NDE1: variants seen among roughly 807,000 people sequenced by gnomAD.
NDE1 encodes the protein nuclear distribution protein nudE homolog 1.
In NDE1, 28 loss-of-function variants were observed where a neutral mutation model predicts 43.4. The observed-to-expected ratio is 0.65, with a 90% CI of 0.48 to 0.89. NDE1 has a LOEUF of 0.89. Among genes scored for constraint, NDE1 ranks in the 40% least tolerant of loss-of-function variants. NDE1 has a pLI of 0.00. For synonymous variants in NDE1, 184 were observed against 172.0 expected, an observed-to-expected ratio of 1.07 and a Z score of -0.55; for missense variants, 441 against 434.1, an observed-to-expected ratio of 1.02 and a Z score of -0.14.
chr16:15,674,594 C>T (rs1379711789), intron 3 of NDE1, among the ~76,000 whole-genome samples: 2 of 152,148 alleles, frequency 1.3e-5, no homozygotes, highest in South Asian at 2.1e-4. Context: ...TTTCTGTCTC[C>T]ATGCTACAAC....
chr16:15,721,177 CG>C, intron 8 of NDE1: 1 of 1,115,590 alleles, frequency 9.0e-7, no homozygotes, highest in Non-Finnish European at 1.3e-6. Context: ...GATGCATGGC[CG>C]GGACTCAAGA....
At chr16:15,714,500 C>A in intron 8 of NDE1, 1 of 318,400 alleles carries the variant, frequency 3.1e-6, no homozygotes, top group Non-Finnish European at 6.0e-6. Flanking sequence ...GGCAGCAGTG[C>A]TGAGGGGGAG....
At chr16:15,694,676 G>A (rs1474673337) in intron 7 of NDE1, 1 of 985,306 alleles carries the variant, frequency 1.0e-6, no homozygotes, top group African/African-American at 1.7e-5. Context: ...TGAGTTTTAG[G>A]TGTGGCTGCT....
At chr16:15,690,337 C>CTTTTTTTTTTTTTTCTTTTTTTTTTTTTT (rs2038672541) in intron 5 of NDE1, among the ~76,000 whole-genome samples, 7 of 74,100 alleles carry the variant, frequency 9.4e-5, no homozygotes, top group African/African-American at 2.8e-4. Flanking sequence ...TGCAACTGGC[C>CTTTTTTTTTTTTTTCTTTTTTTTTTTTTT]TTTTTTTTTT....
At chr16:15,719,843 G>T (rs989280747) in intron 8 of NDE1, 20 of 1,342,084 alleles carry the variant, frequency 1.5e-5, no homozygotes, top group Non-Finnish European at 7.3e-6. Flanking sequence ...CATTGCACGA[G>T]CATGGCTCTC....
At chr16:15,672,986 T>A (rs1183581246) in intron 3 of NDE1, among the ~76,000 whole-genome samples, 1 of 152,162 alleles carries the variant, frequency 6.6e-6, no homozygotes, top group African/African-American at 2.4e-5. Context: ...ATCATCTGTT[T>A]GTTCTTTCTT....
intron 4 of NDE1, among the ~76,000 whole-genome samples, chr16:15,678,901 C>A (rs1324401614): frequency 2.6e-5 from 4 of 151,898 alleles, no homozygotes; most frequent in African/African-American, 9.7e-5. Context: ...ATGGTGAAAA[C>A]CCGTCTCTAC....
intron 1 of NDE1, among the ~76,000 whole-genome samples, chr16:15,644,438 A>T (rs2036257857): frequency 1.3e-5 from 2 of 152,170 alleles, no homozygotes; most frequent in African/African-American, 4.8e-5. Context: ...GGCAGATGAC[A>T]AGCACACATC....
chr16:15,710,570 A>G (rs1457222351), intron 8 of NDE1, among the ~76,000 whole-genome samples: 1 of 152,152 alleles, frequency 6.6e-6, no homozygotes, highest in African/African-American at 2.4e-5. Context: ...AAAGGGAAGC[A>G]GAGACAGCAG....
At chr16:15,718,373 T>C (rs745958601) in intron 8 of NDE1, 1 of 1,602,492 alleles carries the variant, frequency 6.2e-7, no homozygotes, top group Admixed American at 1.7e-5. Context: ...CTGCTCCTCC[T>C]CCAGCTCCTC....
At chr16:15,708,459 C>T (rs965919639) in intron 8 of NDE1, among the ~76,000 whole-genome samples, 8 of 152,196 alleles carry the variant, frequency 5.3e-5, no homozygotes, top group East Asian at 3.8e-4. Flanking sequence ...GCCCTAACCA[C>T]GTAAGAGTGG....
chr16:15,692,403 C>A (rs528590478), intron 6 of NDE1, among the ~76,000 whole-genome samples: 1 of 152,248 alleles, frequency 6.6e-6, no homozygotes, highest in East Asian at 1.9e-4. Flanking sequence ...AATTCCGGTG[C>A]AGAGCCCTTC....
At chr16:15,713,971 G>A (rs2039970863) in intron 8 of NDE1, 1 of 152,396 alleles carries the variant, frequency 6.6e-6, no homozygotes, top group African/African-American at 2.4e-5. Flanking sequence ...GCACCAGGCA[G>A]ACAATGGGAT....
Position 15,708,827 on chromosome 16 carries a change from T to G in NDE1, c.947+11967T>G. 1 of 1,610,146 alleles carries G rather than the reference T, an allele frequency of 6.2e-7. No homozygotes were observed. Among genetic ancestry groups the G allele is most frequent in the Non-Finnish European group, 8.5e-7 (1 of 1,178,552 alleles). ...CCTGGTGCATCACTGCGAAGTTTCC[T>G]GTGGGGGGGGCCCTCTGAAACAGAG... On this transcript the variant is annotated intron_variant, in intron 8 of 8. Coordinates refer to ENST00000396354, the MANE Select transcript of NDE1 (RefSeq NM_017668.3).
At chr16:15,682,102 C>T (rs551151107) in intron 4 of NDE1, among the ~76,000 whole-genome samples, 2 of 151,998 alleles carry the variant, frequency 1.3e-5, no homozygotes, top group South Asian at 4.2e-4. Context: ...ACAATTTGGC[C>T]AAATGCTGAA....
At chr16:15,696,650 T>C in intron 7 of NDE1, 59 bp from the exon 8 acceptor site, 1 of 1,613,494 alleles carries the variant, frequency 6.2e-7, no homozygotes. Flanking sequence ...GTACAGGCTC[T>C]GGTAAGACAG....
At chr16:15,710,956 G>A (rs1567677682) in intron 8 of NDE1, among the ~76,000 whole-genome samples, 1 of 152,162 alleles carries the variant, frequency 6.6e-6, no homozygotes, top group Non-Finnish European at 1.5e-5. Context: ...GGGATTACAG[G>A]CGTGAGCCAC....
intron 7 of NDE1, chr16:15,695,706 A>G (rs2151137813): frequency 1.0e-6 from 1 of 985,290 alleles, no homozygotes; most frequent in Non-Finnish European, 1.2e-6. Context: ...CTACAACTTA[A>G]TAGAAGCTTG....
chr16:15,698,810 A>G (rs1171280237), intron 8 of NDE1, among the ~76,000 whole-genome samples: 1 of 152,026 alleles, frequency 6.6e-6, no homozygotes, highest in African/African-American at 2.4e-5. Context: ...GCAGTGAGCC[A>G]AGATTGCACC....
Sources: gnomAD v4.1 joint callset for allele counts (sites outside exome capture counted in the v4.1 genomes callset) on GRCh38, gnomAD v4.1.1 for gene constraint, MANE v1.5 for transcripts, NCBI Gene and HGNC (gene_info 2026-07-23, HGNC 2026-07-21) for gene names.